Variants in LPCAT2 observed in about 807,000 individuals in gnomAD.
The protein encoded by LPCAT2 is 1-AGP acyltransferase 11.
A neutral mutation model predicts 64.7 loss-of-function variants in LPCAT2; 58 were observed. That is an observed-to-expected ratio of 0.90 (90% CI 0.73 to 1.12). The LOEUF is 1.12. LPCAT2 is among the 50% of genes most tolerant of loss of function. LPCAT2 has a pLI of 0.00. For missense variants in LPCAT2, 579 were observed against 669.8 expected (o/e 0.86, Z 1.50); for synonymous variants, 252 against 245.3 (o/e 1.03, Z -0.26).
At chr16:55,576,621 C>T (rs1395965854) in intron 12 of LPCAT2, among the ~76,000 whole-genome samples, 2 of 152,146 alleles carry the variant, frequency 1.3e-5, no homozygotes, top group Non-Finnish European at 2.9e-5. Context: ...ATGCACATTT[C>T]AGGGAGGGTC....
intron 10 of LPCAT2, among the ~76,000 whole-genome samples, chr16:55,549,911 C>T (rs1227459227): frequency 1.3e-5 from 2 of 151,970 alleles, no homozygotes; most frequent in African/African-American, 4.8e-5. Flanking sequence ...TAGTTTAAAC[C>T]ATTGAGAACA....
chr16:55,517,300 A>C (rs1963026400), intron 1 of LPCAT2, among the ~76,000 whole-genome samples: 1 of 152,206 alleles, frequency 6.6e-6, no homozygotes, highest in African/African-American at 2.4e-5. Context: ...TTCAAGAATA[A>C]ATAAAAAATC....
intron 1 of LPCAT2, among the ~76,000 whole-genome samples, chr16:55,519,848 T>C (rs1204634201): frequency 6.6e-6 from 1 of 152,158 alleles, no homozygotes; most frequent in Non-Finnish European, 1.5e-5. Flanking sequence ...TGTCTTATGC[T>C]AAGCACACAT....
rs1479631198 is a variant in LPCAT2, at chr16:55,525,549, A to G, written c.213A>G (p.Leu71=). ...TTATCTTGCTTCCAATTCGTGTCTT[A>G]TTGGTTGCGTTAATTTTATTACTTG... ...LGIILLPIRV[L]LVALILLLAW... Residue 71 remains leucine (L), a synonymous_variant, in exon 2 of 14, where the codon TTA becomes TTG. Transcript: ENST00000262134. The G allele has an allele frequency of 1.5e-5, 24 of 1,611,192 alleles. No individual in the cohort carries two copies. In the Admixed American group the frequency reaches 4.0e-4, roughly 27 times the overall value.
At chr16:55,541,869 A>G in intron 8 of LPCAT2, 1 of 1,287,604 alleles carries the variant, frequency 7.8e-7, no homozygotes, top group South Asian at 1.2e-5. Flanking sequence ...GGAAGCAGCA[A>G]GCATTGTTTA....
chr16:55,585,007 T>G lies in LPCAT2; in HGVS notation c.*1909T>G, dbSNP rs927801318. On this transcript the variant is annotated 3_prime_UTR_variant, in exon 14 of 14. Coordinates refer to ENST00000262134, the MANE Select transcript of LPCAT2 (RefSeq NM_017839.5). Reference sequence around the variant, plus strand: ...AACCACACATTAATCCTATTAATCATGAAAGCGTAGCATTGTAAATTAAAG... The same window carrying G: ...AACCACACATTAATCCTATTAATCAGGAAAGCGTAGCATTGTAAATTAAAG... 1 of 152,212 alleles carries G rather than the reference T, an allele frequency of 6.6e-6. No homozygotes were observed. The highest frequency in any genetic ancestry group is 1.5e-5 in the Non-Finnish European group (1 of 68,026). The allele number at this position is 152,212 out of a possible 1,614,324, so 9.4% of individuals were successfully genotyped here. A position where few individuals can be genotyped will look rare whatever the true frequency, so the allele number is the denominator to read the frequency against.
intron 4 of LPCAT2, among the ~76,000 whole-genome samples, chr16:55,531,325 A>G (rs1473769839): frequency 2.0e-5 from 3 of 152,172 alleles, no homozygotes; most frequent in Admixed American, 1.3e-4. Context: ...TGGGGAAACT[A>G]ACGTACTGCA....
intron 7 of LPCAT2, among the ~76,000 whole-genome samples, chr16:55,534,941 T>A (rs1596861549): frequency 6.6e-6 from 1 of 152,306 alleles, no homozygotes; most frequent in South Asian, 2.1e-4. Flanking sequence ...AAGATTTCAG[T>A]TCTGCTCTTG....
chr16:55,573,294 C>T (rs1963790402), intron 11 of LPCAT2, among the ~76,000 whole-genome samples: 2 of 152,146 alleles, frequency 1.3e-5, no homozygotes, highest in African/African-American at 4.8e-5. Context: ...ATCCATGAAA[C>T]TCCAGCAAAG....
rs1392712888 is a variant in LPCAT2 at position 55,533,413 on chromosome 16, T to TTTTTTTG, written c.762+537_762+538insGTTTTTT. On this transcript the variant is annotated intron_variant, in intron 6 of 13. Coordinates refer to ENST00000262134, the MANE Select transcript of LPCAT2 (RefSeq NM_017839.5). ...TCTTTTTTTGTTTTTCGGGTTTTTT[T>TTTTTTTG]TTTTTTTTTTTTTTTGAGACAGAGT... 2.1e-5 allele frequency among the ~76,000 whole-genome samples: 3 copies of TTTTTTTG among 140,964 alleles called. No individual in the cohort carries two copies. The East Asian group carries it at 6.1e-4, about 29-fold the overall frequency. 92.5% of individuals were successfully genotyped at this position (140,964 alleles called of 152,430 possible).
chr16:55,521,846 C>A (rs1417753443), intron 1 of LPCAT2, among the ~76,000 whole-genome samples: 2 of 151,628 alleles, frequency 1.3e-5, no homozygotes, highest in Non-Finnish European at 3.0e-5. Context: ...AAGAGAAACT[C>A]TCTCCATCAG....
intron 11 of LPCAT2, among the ~76,000 whole-genome samples, chr16:55,556,526 C>T (rs1471841487): frequency 6.6e-6 from 1 of 152,018 alleles, no homozygotes; most frequent in Non-Finnish European, 1.5e-5. Context: ...GCCTGTAATC[C>T]CAGCACTTTG....
intron 13 of LPCAT2, among the ~76,000 whole-genome samples, chr16:55,581,287 C>A (rs902053855): frequency 6.6e-6 from 1 of 152,156 alleles, no homozygotes; most frequent in African/African-American, 2.4e-5. Context: ...GTAGATTAAA[C>A]TTCATCTATT....
chr16:55,586,253 T>C lies in LPCAT2; in HGVS notation c.*3155T>C, dbSNP rs1458211250. On this transcript the variant is annotated 3_prime_UTR_variant, in exon 14 of 14. Coordinates refer to ENST00000262134, the MANE Select transcript of LPCAT2 (RefSeq NM_017839.5). Reference sequence around the variant, plus strand: ...CTTTTTACCCCATTTACTGTAACTCTTGTTTCTAGGTAATCGTTCTCTCTC... The same window carrying C: ...CTTTTTACCCCATTTACTGTAACTCCTGTTTCTAGGTAATCGTTCTCTCTC... 6.6e-6 allele frequency: 1 copy of C among 152,190 alleles called. No homozygotes were observed. The highest frequency in any genetic ancestry group is 2.4e-5 in the African/African-American group (1 of 41,464). 9.4% of individuals were successfully genotyped at this position (152,190 alleles called of 1,614,324 possible). A position where few individuals can be genotyped will look rare whatever the true frequency, so the allele number is the denominator to read the frequency against.
rs760993537 is a variant in LPCAT2 at position 55,509,302 on chromosome 16, C to T, written c.121C>T (p.Pro41Ser). ...RQASFFPPPV[P>S]NPFVQQTQIG... ...GGCGTCCTTCTTCCCGCCGCCGGTG[C>T]CGAACCCCTTCGTGCAGCAGACGCA... is the stretch of plus-strand genomic sequence containing the variant. Residue 41 changes from proline to serine, a missense_variant, in exon 1 of 14, where the codon CCG (proline) becomes TCG (serine). Pro to Ser is a moderately conservative substitution (Grantham distance 74). Coordinates refer to ENST00000262134, the MANE Select transcript of LPCAT2 (RefSeq NM_017839.5). 1.3e-6 allele frequency: 2 copies of T among 1,512,526 alleles called. No individual in the cohort carries two copies. Among genetic ancestry groups the T allele is most frequent in the African/African-American group, 1.4e-5 (1 of 70,154 alleles). 93.7% of individuals were successfully genotyped at this position (1,512,526 alleles called of 1,614,324 possible).
intron 11 of LPCAT2, among the ~76,000 whole-genome samples, chr16:55,557,864 T>G (rs1963594944): frequency 1.3e-5 from 2 of 152,192 alleles, no homozygotes; most frequent in Admixed American, 1.3e-4. Flanking sequence ...AATATGCTAT[T>G]GGCTCCTTCT....
rs1963919692 is a variant in LPCAT2 at position 55,584,198 on chromosome 16, A to C, written c.*1100A>C. ...TAGTTCAGAATGTAGCACTTGCCCT[A>C]TAAATGAATCAGATTTGTTCTATTT... is the stretch of plus-strand genomic sequence containing the variant. On this transcript the variant is annotated 3_prime_UTR_variant, in exon 14 of 14. Coordinates refer to ENST00000262134, the MANE Select transcript of LPCAT2 (RefSeq NM_017839.5). The C allele has an allele frequency of 6.6e-6, 1 of 152,220 alleles. No homozygotes were observed. The allele number at this position is 152,220 out of a possible 1,614,324, so 9.4% of individuals were successfully genotyped here.
At chr16:55,574,509 T>G in intron 11 of LPCAT2, 122 bp from the exon 12 acceptor site, 1 of 700,786 alleles carries the variant, frequency 1.4e-6, no homozygotes, top group Admixed American at 2.2e-5. Flanking sequence ...TTAGTGAGAC[T>G]TTTCTCCAAA....
intron 1 of LPCAT2, among the ~76,000 whole-genome samples, chr16:55,521,110 G>A (rs1339042506): frequency 2.6e-5 from 4 of 151,652 alleles, no homozygotes; most frequent in African/African-American, 9.7e-5. Context: ...TACCAAGACT[G>A]ATAAGAAAAC....
Sources: gnomAD v4.1 joint callset for allele counts (sites outside exome capture counted in the v4.1 genomes callset) on GRCh38, gnomAD v4.1.1 for gene constraint, MANE v1.5 for transcripts, NCBI Gene and HGNC (gene_info 2026-07-23, HGNC 2026-07-21) for gene names.